BICC1: variants seen among roughly 807,000 people sequenced by gnomAD.
BICC1 encodes the protein BicC family RNA binding protein 1, also known as protein bicaudal C homolog 1.
BICC1 carries 43 observed loss-of-function variants against 111.0 expected under a neutral mutation model. The ratio of observed to expected loss-of-function variants is 0.39; its 90% CI spans 0.30 to 0.50. The LOEUF is 0.50. Ranked by LOEUF, BICC1 falls within the 20% of genes least tolerant of loss-of-function variation. BICC1 has a pLI of 0.88. For synonymous variants in BICC1, 467 were observed against 434.4 expected, an observed-to-expected ratio of 1.07 and a Z score of -0.93; for missense variants, 1,091 against 1,203.2, an observed-to-expected ratio of 0.91 and a Z score of 1.38.
At chr10:58,538,857 T>C (rs975683658) in intron 1 of BICC1, among the ~76,000 whole-genome samples, 2 of 151,872 alleles carry the variant, frequency 1.3e-5, no homozygotes, top group Non-Finnish European at 2.9e-5. Context: ...ATCAGGGAAA[T>C]GCAAGTTAAA....
chr10:58,526,175 A>T (rs1418193163), intron 1 of BICC1, among the ~76,000 whole-genome samples: 1 of 151,876 alleles, frequency 6.6e-6, no homozygotes, highest in Admixed American at 6.6e-5. Context: ...TGACATACAG[A>T]TGCCCATTGG....
chr10:58,752,856 A>C (rs562337194), intron 3 of BICC1, among the ~76,000 whole-genome samples: 1 of 152,120 alleles, frequency 6.6e-6, no homozygotes, highest in Non-Finnish European at 1.5e-5. Flanking sequence ...TTAGCACAAA[A>C]GGTCTGGAGG....
intron 3 of BICC1, among the ~76,000 whole-genome samples, chr10:58,753,025 C>T (rs986457597): frequency 2.0e-5 from 3 of 152,172 alleles, no homozygotes; most frequent in Admixed American, 6.5e-5. Context: ...AAAAGTGGGG[C>T]GATTGAAGGG....
intron 1 of BICC1, among the ~76,000 whole-genome samples, chr10:58,558,455 T>A (rs987865550): frequency 6.6e-5 from 10 of 152,136 alleles, no homozygotes; most frequent in African/African-American, 1.2e-4. Context: ...ATAAGCTGGT[T>A]CAATTGTATG....
chr10:58,820,321 A>G, intron 19 of BICC1, 48 bp from the exon 20 acceptor site: 1 of 1,293,698 alleles, frequency 7.7e-7, no homozygotes, highest in East Asian at 2.3e-5. Context: ...GTGGGAAAGA[A>G]AATAAGTAAT....
At chr10:58,760,851 A>G (rs1192251415) in intron 3 of BICC1, among the ~76,000 whole-genome samples, 2 of 152,296 alleles carry the variant, frequency 1.3e-5, no homozygotes, top group Admixed American at 1.3e-4. Flanking sequence ...TCTATAGAAA[A>G]GACTTACTTT....
At chr10:58,649,861 CA>C (rs59096805) in intron 2 of BICC1, among the ~76,000 whole-genome samples, 148,294 of 152,144 alleles carry the variant, frequency 0.97, 72,379 homozygotes, top group South Asian at 1. Context: ...GATTTGGATT[CA>C]GGGGGTCTGG....
chr10:58,589,228 C>T (rs1844524985), intron 1 of BICC1, among the ~76,000 whole-genome samples: 1 of 152,172 alleles, frequency 6.6e-6, no homozygotes. Flanking sequence ...CACTTTCTCA[C>T]CTCCCTACCA....
chr10:58,686,801 G>T (rs960036485), intron 2 of BICC1, among the ~76,000 whole-genome samples: 2 of 152,106 alleles, frequency 1.3e-5, no homozygotes, highest in Non-Finnish European at 2.9e-5. Context: ...GCTTCTTTGC[G>T]ATGGGTTCGA....
intron 14 of BICC1, among the ~76,000 whole-genome samples, chr10:58,802,533 TCCC>T (rs937934183): frequency 2.5e-4 from 38 of 152,290 alleles, no homozygotes; most frequent in African/African-American, 8.4e-4. Context: ...GCTCTGCCTG[TCCC>T]CCTCAACAGA....
At chr10:58,616,452 G>A (rs554795773) in intron 1 of BICC1, among the ~76,000 whole-genome samples, 37 of 152,334 alleles carry the variant, frequency 2.4e-4, no homozygotes, top group African/African-American at 8.4e-4. Flanking sequence ...CCACCTGGGC[G>A]CTTCAGCTCA....
At chr10:58,807,206 A>C (rs756438426) in intron 17 of BICC1, 48 bp downstream of exon 17, 4 of 1,559,150 alleles carry the variant, frequency 2.6e-6, no homozygotes, top group Non-Finnish European at 3.5e-6. Context: ...TTCTTTCAGC[A>C]AAAGAGGACA....
At chr10:58,613,538 A>G (rs1274339828) in intron 1 of BICC1, among the ~76,000 whole-genome samples, 1 of 152,178 alleles carries the variant, frequency 6.6e-6, no homozygotes, top group East Asian at 1.9e-4. Context: ...TTGAGTCAAT[A>G]TATTATCATA....
rs183453214 is a variant in BICC1 at position 58,639,909 on chromosome 10, C to T, written c.237+19008C>T. On this transcript the variant is annotated intron_variant, in intron 2 of 20. Coordinates refer to ENST00000373886, the MANE Select transcript of BICC1 (RefSeq NM_001080512.3). Reference sequence around the variant, plus strand: ...TGTATTTTTTGTAGAGACAGGGTTTCGCCATGTTGCCCAGACTGGCTGCCA... The same window carrying T: ...TGTATTTTTTGTAGAGACAGGGTTTTGCCATGTTGCCCAGACTGGCTGCCA... 7.2e-5 allele frequency among the ~76,000 whole-genome samples: 11 copies of T among 151,874 alleles called. No individual in the cohort carries two copies. In the East Asian group the frequency reaches 7.8e-4, roughly 11 times the overall value.
intron 2 of BICC1, among the ~76,000 whole-genome samples, chr10:58,657,457 G>A (rs1456315111): frequency 6.6e-6 from 1 of 152,130 alleles, no homozygotes; most frequent in Admixed American, 6.6e-5. Context: ...TTGAGTGACT[G>A]AACATTCCCT....
At chr10:58,684,028 T>C (rs1254029398) in intron 2 of BICC1, among the ~76,000 whole-genome samples, 2 of 152,206 alleles carry the variant, frequency 1.3e-5, no homozygotes, top group Admixed American at 1.3e-4. Context: ...AAATAGCTTT[T>C]ATTATTTTGA....
intron 3 of BICC1, among the ~76,000 whole-genome samples, chr10:58,760,454 G>A (rs1269865711): frequency 6.6e-6 from 1 of 152,026 alleles, no homozygotes; most frequent in Non-Finnish European, 1.5e-5. Context: ...CCATAGAGTA[G>A]GTTTTCTGAA....
At chr10:58,651,513 G>C (rs989342295) in intron 2 of BICC1, among the ~76,000 whole-genome samples, 1 of 152,168 alleles carries the variant, frequency 6.6e-6, no homozygotes, top group Non-Finnish European at 1.5e-5. Context: ...AAAATTTGCA[G>C]CCCAAAATAG....
chr10:58,654,649 A>G (rs1196945221), intron 2 of BICC1, among the ~76,000 whole-genome samples: 9 of 78,660 alleles, frequency 1.1e-4, no homozygotes, highest in Admixed American at 1.6e-4. Context: ...TCACTCTGAT[A>G]GTAGTTTCTT....
Sources: allele counts gnomAD v4.1 joint callset (sites outside exome capture counted in the v4.1 genomes callset), GRCh38; gene constraint gnomAD v4.1.1; transcripts MANE v1.5; gene names NCBI Gene and HGNC (gene_info 2026-07-23, HGNC 2026-07-21).